Variants in AFF1 observed in about 807,000 individuals in gnomAD.
The protein encoded by AFF1 is ALF transcription elongation factor 1.
AFF1 carries 48 observed loss-of-function variants against 121.7 expected under a neutral mutation model. That is an observed-to-expected ratio of 0.39 (90% CI 0.31 to 0.50). AFF1 has a LOEUF of 0.50. Ranked by LOEUF, AFF1 falls within the 20% of genes least tolerant of loss-of-function variation. The pLI, the probability that AFF1 is intolerant of heterozygous loss-of-function variation, is 0.76. For synonymous variants in AFF1, 613 were observed against 563.0 expected (o/e 1.09, Z -1.26); for missense variants, 1,523 against 1,511.7 (o/e 1.01, Z -0.12).
chr4:86,985,180 A>AATATATAT (rs1724119781), intron 2 of AFF1, among the ~76,000 whole-genome samples: 3 of 55,944 alleles, frequency 5.4e-5, no homozygotes, highest in East Asian at 1.8e-3. Flanking sequence ...AATATGTATT[A>AATATATAT]CTATATATAT....
At chr4:87,073,365 C>T (rs1578196602) in intron 4 of AFF1, among the ~76,000 whole-genome samples, 1 of 145,948 alleles carries the variant, frequency 6.9e-6, no homozygotes, top group South Asian at 2.2e-4. Context: ...AGGACAAGGT[C>T]GTCTTTATTT....
At chr4:86,948,690 A>G (rs1357671403) in intron 2 of AFF1, 119 bp downstream of exon 2, 3 of 926,456 alleles carry the variant, frequency 3.2e-6, no homozygotes, top group Non-Finnish European at 4.6e-6. Flanking sequence ...GTGCAAGAAA[A>G]TGTTTGAAAT....
intron 1 of AFF1, among the ~76,000 whole-genome samples, chr4:86,937,896 G>A (rs1337908297): frequency 6.6e-6 from 1 of 152,138 alleles, no homozygotes; most frequent in Non-Finnish European, 1.5e-5. Flanking sequence ...GGAAGCCACC[G>A]TGCCTGGCCT....
rs750679001 is a variant in AFF1, at chr4:87,105,630, T to A, written c.1286T>A (p.Met429Lys). The part of the protein sequence containing the change: ...HSNSQQGTSS[M>K]LEDDLQLSDS... ...CTCTGTGTCCCTGCCCATTCCAGCA[T>A]GCTCGAAGACGACCTTCAGCTCAGT... The change falls in exon 9 of 21, where the codon ATG (methionine) becomes AAG (lysine). Residue 429 changes from methionine (M) to lysine (K), a missense_variant and splice_region_variant. Physicochemically the swap from Met to Lys is moderately conservative, Grantham distance 95. Around this residue, in one of 5 missense-constraint regions of AFF1, gnomAD observed 905 missense variants for 842.5 expected, o/e 1.07. Transcript: ENST00000395146. 5.6e-6 allele frequency: 9 copies of A among 1,614,224 alleles called. No individual in the cohort carries two copies. In the East Asian group the frequency reaches 2.0e-4, roughly 36 times the overall value.
At chr4:87,112,806 T>A (rs1726680572) in intron 11 of AFF1, among the ~76,000 whole-genome samples, 1 of 152,268 alleles carries the variant, frequency 6.6e-6, no homozygotes, top group Admixed American at 6.5e-5. Flanking sequence ...ATGACTTATT[T>A]CTACAAACCA....
intron 11 of AFF1, among the ~76,000 whole-genome samples, chr4:87,110,583 A>G (rs906573513): frequency 1.3e-5 from 2 of 151,666 alleles, no homozygotes; most frequent in African/African-American, 2.4e-5. Context: ...AATTGTTTGA[A>G]TTTTTTAGCT....
intron 4 of AFF1, chr4:87,049,730 T>A (rs1482377868): frequency 2.2e-6 from 1 of 456,070 alleles, no homozygotes; most frequent in Non-Finnish European, 4.4e-6. Context: ...GCAGCTGTGG[T>A]ACCAACTGCC....
At chr4:87,034,870 T>C (rs990578854) in intron 2 of AFF1, among the ~76,000 whole-genome samples, 5 of 152,210 alleles carry the variant, frequency 3.3e-5, no homozygotes, top group African/African-American at 1.2e-4. Context: ...TTCTGAATCA[T>C]TGGAAATTGA....
chr4:86,943,804 A>G (rs1720640393), intron 1 of AFF1, among the ~76,000 whole-genome samples: 1 of 152,032 alleles, frequency 6.6e-6, no homozygotes, highest in South Asian at 2.1e-4. Flanking sequence ...TACTAAAAAT[A>G]CAAAAAAATT....
At chr4:86,955,022 A>G (rs1342245651) in intron 2 of AFF1, among the ~76,000 whole-genome samples, 1 of 152,212 alleles carries the variant, frequency 6.6e-6, no homozygotes, top group African/African-American at 2.4e-5. Flanking sequence ...GTCTAAGATG[A>G]TAATGTAATT....
intron 2 of AFF1, among the ~76,000 whole-genome samples, chr4:87,004,812 A>T (rs2149525119): frequency 6.6e-6 from 1 of 152,358 alleles, no homozygotes; most frequent in East Asian, 1.9e-4. Flanking sequence ...AAGAAAATCC[A>T]ACTTCACACA....
intron 8 of AFF1, among the ~76,000 whole-genome samples, chr4:87,099,402 G>GATC (rs1307495148): frequency 6.6e-6 from 1 of 152,156 alleles, no homozygotes; most frequent in Non-Finnish European, 1.5e-5. Context: ...ACTAAGTGTT[G>GATC]ATCTCACTTT....
rs1729371728 is a variant in AFF1, at chr4:87,137,208, T to G, written c.*1507T>G. 4.4e-6 allele frequency: 1 copy of G among 228,314 alleles called. No individual in the cohort carries two copies. The highest frequency in any genetic ancestry group is 5.7e-5 in the Admixed American group (1 of 17,578). 14.1% of individuals were successfully genotyped at this position (228,314 alleles called of 1,614,324 possible). A position where few individuals can be genotyped will look rare whatever the true frequency, so the allele number is the denominator to read the frequency against. On this transcript the variant is annotated 3_prime_UTR_variant, in exon 21 of 21. Coordinates refer to ENST00000395146, the MANE Select transcript of AFF1 (RefSeq NM_001166693.3). ...GCACACTTACTACAATTGAGGAGTGTCATCTCTATAACTTTTTCTCCGCCT... is the reference window on the plus strand; with the variant it reads ...GCACACTTACTACAATTGAGGAGTGGCATCTCTATAACTTTTTCTCCGCCT...
At chr4:86,982,193 TCA>T (rs912200606) in intron 2 of AFF1, among the ~76,000 whole-genome samples, 1 of 152,180 alleles carries the variant, frequency 6.6e-6, no homozygotes, top group Non-Finnish European at 1.5e-5. Flanking sequence ...AAGTGGTGCC[TCA>T]CAAACACTTT....
chr4:87,092,460 A>G (rs957883988), intron 7 of AFF1, among the ~76,000 whole-genome samples: 2 of 152,230 alleles, frequency 1.3e-5, no homozygotes, highest in South Asian at 4.1e-4. Context: ...GTTTTAAAAA[A>G]CAAAACTAAG....
At position 86,949,537 on chromosome 4, in the gene AFF1, A is replaced by ATTTTT. The variant is rs754229542; in HGVS notation, c.38+981_38+985dup. ...CTATTTATTAATTATTATTATTATT[A>ATTTTT]TTTTTTTTTTTTTTTTTTTCCCGAC... is the stretch of plus-strand genomic sequence containing the variant. On this transcript the variant is annotated intron_variant, in intron 2 of 20. Transcript: ENST00000395146. 1.5e-3 allele frequency: 380 copies of ATTTTT among 248,300 alleles called. 4 individuals carry two copies. Among genetic ancestry groups the ATTTTT allele is most frequent in the African/African-American group, 9.3e-3 (270 of 28,990 alleles). 15.4% of individuals were successfully genotyped at this position (248,300 alleles called of 1,614,324 possible).
At chr4:87,064,426 G>A (rs1474229891) in intron 4 of AFF1, among the ~76,000 whole-genome samples, 1 of 152,180 alleles carries the variant, frequency 6.6e-6, no homozygotes, top group Non-Finnish European at 1.5e-5. Flanking sequence ...ACATAGTATT[G>A]ATGAGTATAT....
Position 87,139,910 on chromosome 4 carries a change from G to C in AFF1, c.*4209G>C. 1 of 219,104 alleles carries C rather than the reference G, an allele frequency of 4.6e-6. No homozygotes were observed. Among genetic ancestry groups the C allele is most frequent in the Non-Finnish European group, 9.2e-6 (1 of 109,134 alleles). The allele number at this position is 219,104 out of a possible 1,614,324, so 13.6% of individuals were successfully genotyped here. On this transcript the variant is annotated 3_prime_UTR_variant, in exon 21 of 21. Coordinates refer to ENST00000395146, the MANE Select transcript of AFF1 (RefSeq NM_001166693.3). Reference sequence around the variant, plus strand: ...ATGTTCTTCAGTTCTTAATTATGGTGAGTTGACAAATACCAACTACTGCTT... The same window carrying C: ...ATGTTCTTCAGTTCTTAATTATGGTCAGTTGACAAATACCAACTACTGCTT...
intron 6 of AFF1, among the ~76,000 whole-genome samples, chr4:87,091,239 C>T (rs1044863565): frequency 2.3e-4 from 34 of 150,344 alleles, no homozygotes; most frequent in Non-Finnish European, 5.9e-5. Context: ...ACCGTCTCTA[C>T]TAAAAATACA....
Sources: allele counts gnomAD v4.1 joint callset (sites outside exome capture counted in the v4.1 genomes callset), GRCh38; gene constraint gnomAD v4.1.1; regional missense constraint gnomAD v4.1.1; transcripts MANE v1.5; gene names NCBI Gene and HGNC (gene_info 2026-07-23, HGNC 2026-07-21).